The following DNM3 variants were observed in gnomAD, a reference collection of about 807,000 sequenced individuals.
DNM3 encodes the protein dynamin 3.
A neutral mutation model predicts 101.6 loss-of-function variants in DNM3; 47 were observed. That is an observed-to-expected ratio of 0.46 (90% CI 0.37 to 0.59). The LOEUF is 0.59. Ranked by LOEUF, DNM3 falls within the 20% of genes least tolerant of loss-of-function variation. The probability of loss-of-function intolerance (pLI) is 0.00; values close to 1 mark genes in which losing one functional copy is unlikely to be tolerated. For synonymous variants in DNM3, 385 were observed against 387.9 expected (o/e 0.99, Z 0.09); for missense variants, 849 against 1,085.7 (o/e 0.78, Z 3.06).
chr1:172,375,665 G>A (rs2068557420), intron 17 of DNM3, among the ~76,000 whole-genome samples: 1 of 151,982 alleles, frequency 6.6e-6, no homozygotes, highest in African/African-American at 2.4e-5. Flanking sequence ...GACGCCCCAA[G>A]GTATGGTGAG....
intron 13 of DNM3, among the ~76,000 whole-genome samples, chr1:172,129,702 TC>T (rs1367390430): frequency 1.3e-5 from 2 of 151,956 alleles, no homozygotes; most frequent in African/African-American, 4.8e-5. Context: ...GGAAAGATCT[TC>T]CCCCATAATT....
At chr1:171,859,276 C>T (rs765178880) in intron 1 of DNM3, among the ~76,000 whole-genome samples, 18 of 152,122 alleles carry the variant, frequency 1.2e-4, no homozygotes, top group Non-Finnish European at 2.2e-4. Flanking sequence ...CTCTGGGATA[C>T]CCCAACTGCC....
At chr1:172,339,030 A>G in intron 17 of DNM3, 1 of 483,428 alleles carries the variant, frequency 2.1e-6, no homozygotes, top group African/African-American at 2.0e-5. Flanking sequence ...ATGTTCATTG[A>G]CATTTGGTTT....
At chr1:172,154,827 A>G (rs758763445) in intron 14 of DNM3, among the ~76,000 whole-genome samples, 3 of 152,106 alleles carry the variant, frequency 2.0e-5, no homozygotes, top group Non-Finnish European at 4.4e-5. Context: ...GTCTCATTCT[A>G]GTCTTTGGTA....
chr1:172,167,399 T>C (rs575140144), intron 14 of DNM3, among the ~76,000 whole-genome samples: 1 of 152,234 alleles, frequency 6.6e-6, no homozygotes, highest in East Asian at 1.9e-4. Context: ...TGTGTCTTGA[T>C]AGCAGCATGA....
rs34753464 is a variant in DNM3, at chr1:171,882,430, TACACAC to T, written c.162-39289_162-39284del. Among the ~76,000 whole-genome samples the T allele has an allele frequency of 6.8e-3, 984 of 145,190 alleles. 7 individuals carry two copies. The highest frequency in any genetic ancestry group is 0.016 in the East Asian group (80 of 5,022). On this transcript the variant is annotated intron_variant, in intron 1 of 20. Coordinates refer to ENST00000627582, the MANE Select transcript of DNM3 (RefSeq NM_015569.5). ...CTCGTTTTGTCTCTGTCTCTCTCTA[TACACAC>T]ACACACACACACACACACACACACA...
intron 2 of DNM3, among the ~76,000 whole-genome samples, chr1:171,958,501 G>A (rs1305149422): frequency 6.6e-6 from 1 of 152,202 alleles, no homozygotes; most frequent in South Asian, 2.1e-4. Flanking sequence ...TGAGGTTGCT[G>A]GAGTATATAG....
At chr1:171,972,484 T>C (rs1201176285) in intron 2 of DNM3, among the ~76,000 whole-genome samples, 2 of 152,238 alleles carry the variant, frequency 1.3e-5, no homozygotes, top group African/African-American at 4.8e-5. Context: ...TTGATAGGCA[T>C]ATACTATAAT....
chr1:172,066,348 GT>G (rs2051662609), intron 10 of DNM3, among the ~76,000 whole-genome samples: 1 of 152,170 alleles, frequency 6.6e-6, no homozygotes, highest in African/African-American at 2.4e-5. Flanking sequence ...ATTTCTTACA[GT>G]TATGGAAGAC....
rs555131676 is a variant in DNM3, at chr1:172,364,648, C to A, written c.1894-14370C>A. Reference sequence around the variant, plus strand: ...ACAGTGACATGGTTTGGATCTGTATCCCCACCAAATCTCATGTCAATTGTA... The same window carrying A: ...ACAGTGACATGGTTTGGATCTGTATACCCACCAAATCTCATGTCAATTGTA... On this transcript the variant is annotated intron_variant, in intron 17 of 20. Coordinates refer to ENST00000627582, the MANE Select transcript of DNM3 (RefSeq NM_015569.5). 3.9e-5 allele frequency among the ~76,000 whole-genome samples: 6 copies of A among 151,948 alleles called. No homozygotes were observed. In the South Asian group the frequency reaches 1.2e-3, roughly 32 times the overall value.
intron 17 of DNM3, among the ~76,000 whole-genome samples, chr1:172,369,848 C>CTAGAAGG (rs767636974): frequency 2.6e-5 from 4 of 151,830 alleles, no homozygotes; most frequent in Admixed American, 6.6e-5. Flanking sequence ...TTTCACAATT[C>CTAGAAGG]TAGAAGGTAG....
At chr1:172,193,214 A>C (rs979114543) in intron 14 of DNM3, among the ~76,000 whole-genome samples, 2 of 151,516 alleles carry the variant, frequency 1.3e-5, no homozygotes, top group African/African-American at 4.8e-5. Context: ...GCCCCATCAA[A>C]AAGTGGGGGT....
At chr1:171,963,714 A>G (rs973566657) in intron 2 of DNM3, among the ~76,000 whole-genome samples, 1 of 150,780 alleles carries the variant, frequency 6.6e-6, no homozygotes, top group Non-Finnish European at 1.5e-5. Flanking sequence ...AGTGGTGAAA[A>G]TAATTATATT....
intron 16 of DNM3, among the ~76,000 whole-genome samples, chr1:172,316,167 A>C (rs1230127244): frequency 6.6e-6 from 1 of 152,158 alleles, no homozygotes; most frequent in Admixed American, 6.5e-5. Context: ...GAAATAAAAT[A>C]CTTCACAGAC....
intron 4 of DNM3, among the ~76,000 whole-genome samples, chr1:172,015,775 A>G (rs547689321): frequency 6.6e-6 from 1 of 152,054 alleles, no homozygotes; most frequent in Non-Finnish European, 1.5e-5. Context: ...TTCTTTTCTT[A>G]TTGCATTAGC....
intron 6 of DNM3, among the ~76,000 whole-genome samples, chr1:172,033,534 A>G (rs1417235565): frequency 2.0e-5 from 3 of 152,184 alleles, no homozygotes; most frequent in African/African-American, 4.8e-5. Flanking sequence ...TATACATTTT[A>G]GCATATACTC....
intron 2 of DNM3, among the ~76,000 whole-genome samples, chr1:171,964,455 C>T (rs1003117996): frequency 6.6e-6 from 1 of 152,094 alleles, no homozygotes; most frequent in Non-Finnish European, 1.5e-5. Context: ...GAAGCCACCC[C>T]CTCCACCCCT....
At chr1:172,090,787 C>T (rs1272147008) in intron 12 of DNM3, among the ~76,000 whole-genome samples, 1 of 152,152 alleles carries the variant, frequency 6.6e-6, no homozygotes. Flanking sequence ...ATCAGCTGTT[C>T]TAAGTGTGGT....
chr1:172,321,550 T>C (rs1193851191), intron 16 of DNM3, among the ~76,000 whole-genome samples: 1 of 152,178 alleles, frequency 6.6e-6, no homozygotes, highest in Admixed American at 6.5e-5. Context: ...TGGGAAATGA[T>C]TGAATGAAAC....
Sources: gnomAD v4.1 joint callset for allele counts (sites outside exome capture counted in the v4.1 genomes callset) on GRCh38, gnomAD v4.1.1 for gene constraint, MANE v1.5 for transcripts, NCBI Gene and HGNC (gene_info 2026-07-23, HGNC 2026-07-21) for gene names.